The following GALNT17 variants were observed in gnomAD, a reference collection of about 807,000 sequenced individuals.
GALNT17 encodes polypeptide N-acetylgalactosaminyltransferase 17, also known as UDP-GalNAc:polypeptide N-acetylgalactosaminyltransferase-like 3.
GALNT17 carries 29 observed loss-of-function variants against 63.7 expected under a neutral mutation model. The observed-to-expected ratio is 0.46, with a 90% confidence interval of 0.34 to 0.62. The LOEUF is 0.62. Ranked by LOEUF, GALNT17 falls within the 20% of genes least tolerant of loss-of-function variation. GALNT17 has a pLI of 0.01. For missense variants in GALNT17, 603 were observed against 799.6 expected, an observed-to-expected ratio of 0.75 and a Z score of 2.97; for synonymous variants, 305 against 318.3, an observed-to-expected ratio of 0.96 and a Z score of 0.45.
intron 1 of GALNT17, among the ~76,000 whole-genome samples, chr7:71,203,193 T>G (rs1426872900): frequency 6.6e-6 from 1 of 152,156 alleles, no homozygotes; most frequent in Non-Finnish European, 1.5e-5. Flanking sequence ...CATATGGTGG[T>G]TCCATTTTTA....
rs1378308827 is a variant in GALNT17 at position 71,712,294 on chromosome 7, C to A, written c.*148C>A. ...GGCTTCTCCAGGGCAGCACAGGGACCCCGGATGAAGACTCTGTCCCCCCTC... is the reference window on the plus strand; with the variant it reads ...GGCTTCTCCAGGGCAGCACAGGGACACCGGATGAAGACTCTGTCCCCCCTC... On this transcript the variant is annotated 3_prime_UTR_variant, in exon 11 of 11. Coordinates refer to ENST00000333538, the MANE Select transcript of GALNT17 (RefSeq NM_022479.3). 4.7e-6 allele frequency: 5 copies of A among 1,068,004 alleles called. No individual in the cohort carries two copies. The highest frequency in any genetic ancestry group is 2.6e-6 in the Non-Finnish European group (2 of 774,716). The allele number at this position is 1,068,004 out of a possible 1,614,324, so 66.2% of individuals were successfully genotyped here.
intron 1 of GALNT17, among the ~76,000 whole-genome samples, chr7:71,323,579 A>G (rs1791653754): frequency 6.6e-6 from 1 of 152,238 alleles, no homozygotes; most frequent in Non-Finnish European, 1.5e-5. Flanking sequence ...CAAAATCATC[A>G]TCATAATTCA....
At position 71,199,773 on chromosome 7, in the gene GALNT17, C is replaced by T. The variant is rs116207232; in HGVS notation, c.238+66733C>T. On this transcript the variant is annotated intron_variant, in intron 1 of 10. Transcript: ENST00000333538. ...TTAGCTCACTCCATCCATCCATCCA[C>T]CCACTCATCTATCCATATGTATATT... Among the ~76,000 whole-genome samples the T allele has an allele frequency of 2.9e-3, 439 of 152,094 alleles. 4 individuals are homozygous for T. Among genetic ancestry groups the T allele is most frequent in the African/African-American group, 9.8e-3 (408 of 41,488 alleles).
chr7:71,274,628 A>G (rs549281966), intron 1 of GALNT17, among the ~76,000 whole-genome samples: 3 of 152,280 alleles, frequency 2.0e-5, no homozygotes, highest in Non-Finnish European at 2.9e-5. Flanking sequence ...CCCCTAAGAC[A>G]TTGGTCTGGA....
chr7:71,416,987 A>T (rs1786545194), intron 4 of GALNT17, among the ~76,000 whole-genome samples: 1 of 152,202 alleles, frequency 6.6e-6, no homozygotes, highest in Non-Finnish European at 1.5e-5. Flanking sequence ...GAATCATGTT[A>T]AAATTGGAAT....
At chr7:71,541,511 C>T (rs552075549) in intron 5 of GALNT17, among the ~76,000 whole-genome samples, 1 of 152,114 alleles carries the variant, frequency 6.6e-6, no homozygotes, top group East Asian at 1.9e-4. Flanking sequence ...CGAGATCTCG[C>T]CACTGTATTC....
chr7:71,375,972 C>CGG (rs1161752727), intron 2 of GALNT17, among the ~76,000 whole-genome samples: 2 of 151,908 alleles, frequency 1.3e-5, no homozygotes, highest in Admixed American at 1.3e-4. Flanking sequence ...AGCTACTTGA[C>CGG]GGGGGCTGAG....
chr7:71,147,572 A>T (rs955133953), intron 1 of GALNT17, among the ~76,000 whole-genome samples: 3 of 152,090 alleles, frequency 2.0e-5, no homozygotes, highest in African/African-American at 4.8e-5. Context: ...TCAGATTGAC[A>T]CTCAGTATTA....
At chr7:71,321,140 T>C (rs1174116725) in intron 1 of GALNT17, among the ~76,000 whole-genome samples, 1 of 152,156 alleles carries the variant, frequency 6.6e-6, no homozygotes, top group African/African-American at 2.4e-5. Flanking sequence ...ACAAATTTCT[T>C]AGGTCTTGGC....
At chr7:71,693,295 C>CAT (rs1791486966) in intron 9 of GALNT17, among the ~76,000 whole-genome samples, 3 of 120,846 alleles carry the variant, frequency 2.5e-5, no homozygotes, top group African/African-American at 1.0e-4. Context: ...CACACACACA[C>CAT]ACACACACAC....
intron 1 of GALNT17, among the ~76,000 whole-genome samples, chr7:71,270,979 G>A (rs141046648): frequency 3.3e-5 from 5 of 151,838 alleles, no homozygotes; most frequent in African/African-American, 7.2e-5. Context: ...AAAAAGACTG[G>A]GAAAGCGTTT....
intron 1 of GALNT17, among the ~76,000 whole-genome samples, chr7:71,156,191 C>A (rs1043401894): frequency 6.7e-6 from 1 of 150,000 alleles, no homozygotes; most frequent in Admixed American, 6.6e-5. Flanking sequence ...AGTGAAACTC[C>A]GTCTCAAAAA....
At chr7:71,173,517 A>G (rs1292857523) in intron 1 of GALNT17, among the ~76,000 whole-genome samples, 2 of 152,214 alleles carry the variant, frequency 1.3e-5, no homozygotes, top group African/African-American at 4.8e-5. Context: ...TCATGTCTGT[A>G]TTCCCAGCAC....
At chr7:71,520,274 A>C (rs191312843) in intron 5 of GALNT17, among the ~76,000 whole-genome samples, 25 of 152,304 alleles carry the variant, frequency 1.6e-4, no homozygotes, top group African/African-American at 6.0e-4. Context: ...CTGTAATTCC[A>C]GCACTTTGGG....
rs754219082 is a variant in GALNT17, at chr7:71,712,141, A to C, written c.1792A>C (p.Lys598Gln). The C allele has an allele frequency of 6.2e-7, 1 of 1,612,540 alleles. No individual in the cohort carries two copies. Among genetic ancestry groups the C allele is most frequent in the African/African-American group, 1.3e-5 (1 of 74,982 alleles). The part of the protein sequence containing the change: ...GQRWTIKNSI[K>Q] ...GAGGTGGACCATTAAGAACTCCATC[A>C]AGTAGAGGGAGGGAGCTGGGGCACT... The change falls in exon 11 of 11, where the codon AAG becomes CAG. Residue 598 changes from lysine (K) to glutamine (Q), a missense_variant. Physicochemically the swap from Lys to Gln is moderately conservative, Grantham distance 53. Around this residue, in one of 3 missense-constraint regions of GALNT17, gnomAD observed 72 missense variants for 76.9 expected, o/e 0.94. Transcript: ENST00000333538.
chr7:71,399,092 G>A (rs552827007), intron 3 of GALNT17, among the ~76,000 whole-genome samples: 1 of 152,210 alleles, frequency 6.6e-6, no homozygotes, highest in Admixed American at 6.5e-5. Context: ...AAATTAGCTG[G>A]GTGTGGTGGT....
At chr7:71,170,732 C>G (rs1443610492) in intron 1 of GALNT17, among the ~76,000 whole-genome samples, 1 of 152,066 alleles carries the variant, frequency 6.6e-6, no homozygotes, top group South Asian at 2.1e-4. Context: ...TTAACACTGG[C>G]AAAGGGATGG....
chr7:71,555,891 T>G (rs1382263679), intron 5 of GALNT17, among the ~76,000 whole-genome samples: 1 of 152,246 alleles, frequency 6.6e-6, no homozygotes, highest in Non-Finnish European at 1.5e-5. Context: ...CTCGTGCGCT[T>G]GAAATCCGGG....
At chr7:71,334,761 C>CA (rs1284070225) in intron 1 of GALNT17, among the ~76,000 whole-genome samples, 1 of 152,146 alleles carries the variant, frequency 6.6e-6, no homozygotes, top group Non-Finnish European at 1.5e-5. Context: ...GATTTATTCT[C>CA]AAACATTTTG....
Sources: gnomAD v4.1 joint callset for allele counts (sites outside exome capture counted in the v4.1 genomes callset) on GRCh38, gnomAD v4.1.1 for gene constraint, gnomAD v4.1.1 regional missense constraint, MANE v1.5 for transcripts, NCBI Gene and HGNC (gene_info 2026-07-23, HGNC 2026-07-21) for gene names.